EFCAB13: variants seen among roughly 807,000 people sequenced by gnomAD.
EFCAB13 encodes EF-hand calcium binding domain 13.
A neutral mutation model predicts 110.2 loss-of-function variants in EFCAB13; 91 were observed. The ratio of observed to expected loss-of-function variants is 0.83; its 90% CI spans 0.70 to 0.98. The LOEUF (loss-of-function observed/expected upper bound fraction) is 0.98, where lower values mean the gene tolerates loss of function less well. Among genes scored for constraint, EFCAB13 ranks in the 50% least tolerant of loss-of-function variants. The pLI, the probability that EFCAB13 is intolerant of heterozygous loss-of-function variation, is 0.00. For synonymous variants in EFCAB13, 323 were observed against 369.9 expected, an observed-to-expected ratio of 0.87 and a Z score of 1.45; for missense variants, 968 against 1,119.4, an observed-to-expected ratio of 0.86 and a Z score of 1.93.
intron 14 of EFCAB13, among the ~76,000 whole-genome samples, chr17:47,390,924 C>CTATG (rs2065703745): frequency 6.6e-6 from 1 of 151,574 alleles, no homozygotes; most frequent in Non-Finnish European, 1.5e-5. Flanking sequence ...GTCTATCTAT[C>CTATG]TATCTGTCTA....
At chr17:47,346,118 A>G (rs1270525225) in intron 8 of EFCAB13, among the ~76,000 whole-genome samples, 2 of 152,172 alleles carry the variant, frequency 1.3e-5, no homozygotes, top group East Asian at 3.8e-4. Context: ...ATTCTTATCT[A>G]TAGGCACAAT....
rs138765562 is a variant in EFCAB13, at chr17:47,327,571, C to T, written c.-85-698C>T. On this transcript the variant is annotated intron_variant, in intron 3 of 24. Transcript: ENST00000331493. ...CTCCCAGATTCAAGCGATTCTGCCT[C>T]AGCCTCCTGAGTATCTGGGATTATA... Among the ~76,000 whole-genome samples the T allele has an allele frequency of 7.4e-3, 1,132 of 152,302 alleles. 17 individuals carry two copies. Among genetic ancestry groups the T allele is most frequent in the African/African-American group, 0.025 (1,054 of 41,560 alleles).
chr17:47,405,159 C>G (rs901436596), intron 20 of EFCAB13, among the ~76,000 whole-genome samples: 18 of 152,112 alleles, frequency 1.2e-4, no homozygotes, highest in Non-Finnish European at 4.4e-5. Context: ...TTTTAAAAGA[C>G]TGCATAATGT....
Position 47,351,350 on chromosome 17 carries a change from T to C in EFCAB13, c.661+3399T>C, listed in dbSNP as rs554139706. On this transcript the variant is annotated intron_variant, in intron 9 of 24. Transcript: ENST00000331493. ...GCGCCACGTTTTCTTTATCCAGTCA[T>C]CCATTGATGGACACTTAGGTTGATT... 3.3e-5 allele frequency among the ~76,000 whole-genome samples: 5 copies of C among 149,466 alleles called. No homozygotes were observed. In the South Asian group the frequency reaches 1.1e-3, roughly 31 times the overall value.
At position 47,408,684 on chromosome 17, in the gene EFCAB13, A is replaced by T. The variant is rs563391876; in HGVS notation, c.2234-963A>T. Among the ~76,000 whole-genome samples, 4 of 152,194 alleles carry T rather than the reference A, an allele frequency of 2.6e-5. No homozygotes were observed. In the East Asian group the frequency reaches 7.7e-4, roughly 29 times the overall value. ...TAAATAAATACAAAATAAAAAGTATAATCAAATCCCCCATTGCCCCCCACC... is the reference window on the plus strand; with the variant it reads ...TAAATAAATACAAAATAAAAAGTATTATCAAATCCCCCATTGCCCCCCACC... On this transcript the variant is annotated intron_variant, in intron 20 of 24. Transcript: ENST00000331493.
At chr17:47,409,380 G>T in intron 20 of EFCAB13, 1 of 359,320 alleles carries the variant, frequency 2.8e-6, no homozygotes. Context: ...CCCTTAGGGA[G>T]AAAGGAAGCA....
chr17:47,391,730 A>C (rs536669930), intron 15 of EFCAB13, 150 bp downstream of exon 15: 19 of 635,182 alleles, frequency 3.0e-5, no homozygotes, highest in African/African-American at 2.3e-4. Flanking sequence ...CAAAAGTACA[A>C]GAAAACACTC....
chr17:47,380,036 T>C (rs2143378792), intron 14 of EFCAB13, among the ~76,000 whole-genome samples: 1 of 152,314 alleles, frequency 6.6e-6, no homozygotes, highest in South Asian at 2.1e-4. Flanking sequence ...TATTAGCAAG[T>C]CGATTTCTTT....
At chr17:47,346,606 T>C (rs1277939147) in intron 8 of EFCAB13, among the ~76,000 whole-genome samples, 1 of 152,126 alleles carries the variant, frequency 6.6e-6, no homozygotes, top group Non-Finnish European at 1.5e-5. Flanking sequence ...TACTGGATCA[T>C]GTGGCTTTGC....
At chr17:47,398,946 C>T (rs2065764055) in intron 17 of EFCAB13, among the ~76,000 whole-genome samples, 1 of 152,062 alleles carries the variant, frequency 6.6e-6, no homozygotes. Flanking sequence ...TTGGAGGGGA[C>T]AAGGTCTTGC....
intron 14 of EFCAB13, among the ~76,000 whole-genome samples, chr17:47,380,852 T>C (rs957322054): frequency 2.6e-5 from 4 of 151,708 alleles, no homozygotes; most frequent in Non-Finnish European, 5.9e-5. Flanking sequence ...TTTCTTTTCA[T>C]CTTTGTTGGC....
chr17:47,424,900 T>TTTTTTTTTTTTTTTTTTTTTTTTG (rs869224150), intron 23 of EFCAB13, among the ~76,000 whole-genome samples: 1 of 101,014 alleles, frequency 9.9e-6, no homozygotes. Context: ...TTTTTTTTTT[T>TTTTTTTTTTTTTTTTTTTTTTTTG]GAGACGGAGT....
chr17:47,372,204 G>A (rs549699530), intron 11 of EFCAB13, among the ~76,000 whole-genome samples: 1 of 151,702 alleles, frequency 6.6e-6, no homozygotes, highest in Non-Finnish European at 1.5e-5. Flanking sequence ...ATTTTTCTCT[G>A]TTGATTTTTT....
chr17:47,393,841 G>A (rs1197972088), intron 15 of EFCAB13, among the ~76,000 whole-genome samples, 184 bp from the exon 16 acceptor site: 3 of 151,458 alleles, frequency 2.0e-5, no homozygotes, highest in Admixed American at 6.6e-5. Flanking sequence ...GTGTTTTTCA[G>A]CGTTTACTTC....
At chr17:47,404,994 C>T (rs2065798068) in intron 20 of EFCAB13, among the ~76,000 whole-genome samples, 1 of 151,818 alleles carries the variant, frequency 6.6e-6, no homozygotes, top group Non-Finnish European at 1.5e-5. Flanking sequence ...TTAATGTTAC[C>T]CTTCAGAAAT....
At chr17:47,373,482 T>C (rs752518512) in intron 11 of EFCAB13, among the ~76,000 whole-genome samples, 5 of 152,156 alleles carry the variant, frequency 3.3e-5, no homozygotes, top group Non-Finnish European at 5.9e-5. Flanking sequence ...TTGGTAGTAT[T>C]ATGTCTCCTT....
intron 10 of EFCAB13, among the ~76,000 whole-genome samples, chr17:47,368,615 A>G (rs1010837111): frequency 6.6e-6 from 1 of 152,214 alleles, no homozygotes; most frequent in African/African-American, 2.4e-5. Flanking sequence ...GATGTTGTCA[A>G]TGTTTATGAA....
At chr17:47,330,450 C>T (rs938074051) in intron 4 of EFCAB13, among the ~76,000 whole-genome samples, 2 of 151,918 alleles carry the variant, frequency 1.3e-5, no homozygotes, top group African/African-American at 4.8e-5. Flanking sequence ...GTTTTTCATC[C>T]TTCACTTCCC....
intron 23 of EFCAB13, among the ~76,000 whole-genome samples, chr17:47,416,994 C>T (rs1018070442): frequency 9.9e-5 from 15 of 152,128 alleles, no homozygotes; most frequent in African/African-American, 3.6e-4. Context: ...CAGACTCCCC[C>T]GAAACTTCAT....
Sources: allele counts gnomAD v4.1 joint callset (sites outside exome capture counted in the v4.1 genomes callset), GRCh38; gene constraint gnomAD v4.1.1; transcripts MANE v1.5; gene names NCBI Gene and HGNC (gene_info 2026-07-23, HGNC 2026-07-21).